The following CADM1 variants were observed in gnomAD, a reference collection of about 807,000 sequenced individuals.
The protein encoded by CADM1 is TSLC-1.
CADM1 carries 15 observed loss-of-function variants against 53.1 expected under a neutral mutation model. The ratio of observed to expected loss-of-function variants is 0.28; its 90% CI spans 0.19 to 0.44. The LOEUF is 0.44. Ranked by LOEUF, CADM1 falls within the 20% of genes least tolerant of loss-of-function variation. CADM1 has a pLI of 1.00. For missense variants in CADM1, 434 were observed against 611.3 expected (o/e 0.71, Z 3.06); for synonymous variants, 281 against 243.0 (o/e 1.16, Z -1.45).
intron 1 of CADM1, among the ~76,000 whole-genome samples, chr11:115,460,325 A>G (rs1263305979): frequency 6.6e-6 from 1 of 152,186 alleles, no homozygotes; most frequent in Non-Finnish European, 1.5e-5. Flanking sequence ...TCTTAAAATC[A>G]GTCCCAAAGG....
At chr11:115,279,550 GTTCT>G (rs1332159345) in intron 1 of CADM1, among the ~76,000 whole-genome samples, 1 of 152,100 alleles carries the variant, frequency 6.6e-6, no homozygotes, top group African/African-American at 2.4e-5. Flanking sequence ...AAGAGATTTT[GTTCT>G]TTCATTTTAC....
At chr11:115,412,681 A>G (rs1046969105) in intron 1 of CADM1, among the ~76,000 whole-genome samples, 3 of 152,178 alleles carry the variant, frequency 2.0e-5, no homozygotes, top group Non-Finnish European at 2.9e-5. Context: ...TTTTGTGCCG[A>G]CTACCTCACT....
intron 3 of CADM1, among the ~76,000 whole-genome samples, chr11:115,238,125 GCT>G (rs1565316976): frequency 6.6e-6 from 1 of 152,274 alleles, no homozygotes; most frequent in East Asian, 1.9e-4. Context: ...TCATAACTGA[GCT>G]CTGCCATGGG....
At position 115,175,642 on chromosome 11, in the gene CADM1, C is replaced by G; in HGVS notation, c.*832G>C. The G allele has an allele frequency of 1.0e-6, 1 of 985,672 alleles. No individual in the cohort carries two copies. The allele number at this position is 985,672 out of a possible 1,614,324, so 61.1% of individuals were successfully genotyped here. A position where few individuals can be genotyped will look rare whatever the true frequency, so the allele number is the denominator to read the frequency against. ...GGAAAAAGGAGGAGTCCTTTCTGCCCCAAACCTTTCTGGACAGCGTAGGGT... is the reference window on the plus strand; with the variant it reads ...GGAAAAAGGAGGAGTCCTTTCTGCCGCAAACCTTTCTGGACAGCGTAGGGT... On this transcript the variant is annotated 3_prime_UTR_variant, in exon 12 of 12. Transcript: ENST00000331581.
intron 1 of CADM1, among the ~76,000 whole-genome samples, chr11:115,358,943 T>C (rs1235014455): frequency 6.6e-6 from 1 of 152,196 alleles, no homozygotes; most frequent in Non-Finnish European, 1.5e-5. Context: ...CTATTTCTAT[T>C]GTCAGAACAT....
chr11:115,478,184 G>C (rs989803131), intron 1 of CADM1, among the ~76,000 whole-genome samples: 1 of 151,918 alleles, frequency 6.6e-6, no homozygotes, highest in Non-Finnish European at 1.5e-5. Context: ...ATTGTATATG[G>C]AGATCATATA....
At position 115,214,796 on chromosome 11, in the gene CADM1, G is replaced by A; in HGVS notation, c.822-16C>T. ...CATCACAGGCCTGCAGGGGGAAGGG[G>A]AGGAAGACAAGTCACATTATCATTC... On this transcript the variant is annotated splice_polypyrimidine_tract_variant and intron_variant, in intron 6 of 11. Transcript: ENST00000331581. 3 of 1,613,162 alleles carry A rather than the reference G, an allele frequency of 1.9e-6. No individual in the cohort carries two copies. Among genetic ancestry groups the A allele is most frequent in the Middle Eastern group, 1.7e-4 (1 of 5,816 alleles).
At chr11:115,445,714 T>C (rs1057013362) in intron 1 of CADM1, 2 of 441,632 alleles carry the variant, frequency 4.5e-6, no homozygotes, top group East Asian at 1.5e-4. Flanking sequence ...CGTGGTAGTG[T>C]GCACCTGTAG....
chr11:115,417,120 C>G (rs1947617428), intron 1 of CADM1, among the ~76,000 whole-genome samples: 1 of 152,092 alleles, frequency 6.6e-6, no homozygotes, highest in South Asian at 2.1e-4. Flanking sequence ...TTTAACCATC[C>G]AAGGGAAAAT....
chr11:115,239,324 C>G (rs1004003696), intron 2 of CADM1, among the ~76,000 whole-genome samples: 3 of 152,102 alleles, frequency 2.0e-5, no homozygotes, highest in Non-Finnish European at 2.9e-5. Context: ...TGGATGACCT[C>G]GAGCCTACGG....
At chr11:115,305,894 C>A (rs1180911234) in intron 1 of CADM1, among the ~76,000 whole-genome samples, 1 of 112,310 alleles carries the variant, frequency 8.9e-6, no homozygotes, top group Non-Finnish European at 1.7e-5. Context: ...GAGCGAGACT[C>A]CATCTCAAAA....
At chr11:115,223,622 C>T (rs1941485990) in intron 5 of CADM1, among the ~76,000 whole-genome samples, 2 of 152,222 alleles carry the variant, frequency 1.3e-5, no homozygotes, top group African/African-American at 4.8e-5. Flanking sequence ...AAAGGCTTTT[C>T]CCTTAAGGGT....
At chr11:115,197,949 C>CGAAG (rs1940239415) in intron 9 of CADM1, among the ~76,000 whole-genome samples, 2 of 152,236 alleles carry the variant, frequency 1.3e-5, no homozygotes, top group Non-Finnish European at 2.9e-5. Context: ...CAGGAATCTT[C>CGAAG]TTCCCTGGTC....
chr11:115,411,170 C>G (rs1447564566), intron 1 of CADM1, among the ~76,000 whole-genome samples: 1 of 152,038 alleles, frequency 6.6e-6, no homozygotes, highest in African/African-American at 2.4e-5. Context: ...TCATGTAAAC[C>G]TAATCAAGGA....
intron 1 of CADM1, among the ~76,000 whole-genome samples, chr11:115,327,738 T>G (rs1174942559): frequency 2.0e-5 from 3 of 152,160 alleles, no homozygotes; most frequent in African/African-American, 7.2e-5. Context: ...CAAGCCTCAG[T>G]GTCCTCATTT....
intron 10 of CADM1, among the ~76,000 whole-genome samples, chr11:115,185,409 T>C (rs773518002): frequency 1.3e-5 from 2 of 152,242 alleles, no homozygotes; most frequent in South Asian, 2.1e-4. Flanking sequence ...CTGTCCTTTA[T>C]GAAGGTCAAG....
At chr11:115,432,841 G>A (rs1565425044) in intron 1 of CADM1, among the ~76,000 whole-genome samples, 3 of 152,214 alleles carry the variant, frequency 2.0e-5, no homozygotes, top group South Asian at 2.1e-4. Context: ...AGAGTCTATC[G>A]GCTTACAAAG....
At chr11:115,462,020 A>G (rs1048150067) in intron 1 of CADM1, among the ~76,000 whole-genome samples, 2 of 152,206 alleles carry the variant, frequency 1.3e-5, no homozygotes, top group Non-Finnish European at 2.9e-5. Flanking sequence ...GGAAACATTT[A>G]GCCGGTAGAG....
intron 1 of CADM1, among the ~76,000 whole-genome samples, chr11:115,349,070 T>C (rs1379846886): frequency 4.6e-5 from 7 of 152,230 alleles, no homozygotes; most frequent in Admixed American, 4.6e-4. Context: ...GTCTTCCACT[T>C]ATCTTCCTTT....
Sources: gnomAD v4.1 joint callset for allele counts (sites outside exome capture counted in the v4.1 genomes callset) on GRCh38, gnomAD v4.1.1 for gene constraint, MANE v1.5 for transcripts, NCBI Gene and HGNC (gene_info 2026-07-23, HGNC 2026-07-21) for gene names.